Variants in FANCA observed in about 807,000 individuals in gnomAD.
FANCA encodes the protein Fanconi anemia group A protein.
Under a neutral mutation model 194.3 loss-of-function variants are expected in FANCA, and 236 were observed. The observed-to-expected ratio is 1.21, with a 90% CI of 1.09 to 1.35. The LOEUF (loss-of-function observed/expected upper bound fraction) is 1.35, where lower values mean the gene tolerates loss of function less well. FANCA is among the 40% of genes most tolerant of loss of function. The probability of loss-of-function intolerance (pLI) is 0.00; values close to 1 mark genes in which losing one functional copy is unlikely to be tolerated. For missense variants in FANCA, 2,628 were observed against 1,813.9 expected, an observed-to-expected ratio of 1.45 and a Z score of -8.15; for synonymous variants, 1,014 against 715.8, an observed-to-expected ratio of 1.42 and a Z score of -6.65.
intron 10 of FANCA, 144 bp from the exon 11 acceptor site, chr16:89,796,162 C>A: frequency 1.4e-6 from 1 of 707,242 alleles, no homozygotes. Context: ...TAACCACAGA[C>A]TTGAAACTGA....
At chr16:89,796,459 C>G (rs943948293) in intron 10 of FANCA, among the ~76,000 whole-genome samples, 2 of 152,176 alleles carry the variant, frequency 1.3e-5, no homozygotes, top group Admixed American at 6.5e-5. Flanking sequence ...GGGCCTCAAA[C>G]AGTCACAACA....
chr16:89,772,998 C>T (rs1485119453), intron 22 of FANCA, among the ~76,000 whole-genome samples: 1 of 152,076 alleles, frequency 6.6e-6, no homozygotes, highest in Non-Finnish European at 1.5e-5. Context: ...CCTAGTCACG[C>T]GTTTTCTTCT....
chr16:89,787,909 C>T (rs2143499344), intron 14 of FANCA, among the ~76,000 whole-genome samples: 1 of 151,738 alleles, frequency 6.6e-6, no homozygotes, highest in South Asian at 2.1e-4. Context: ...GGTCTTGCTC[C>T]ATTGCCCAGG....
chr16:89,816,475 A>AAC (rs1194223892), intron 1 of FANCA, 62 bp downstream of exon 1: 1 of 1,382,698 alleles, frequency 7.2e-7, no homozygotes, highest in South Asian at 1.4e-5. Context: ...GGGATCGGGG[A>AAC]ACCGGCGAAA....
At chr16:89,807,049 A>G (rs956695609) in intron 6 of FANCA, among the ~76,000 whole-genome samples, 1 of 152,078 alleles carries the variant, frequency 6.6e-6, no homozygotes, top group African/African-American at 2.4e-5. Context: ...TGTTCTACCC[A>G]TTACTGAAAG....
chr16:89,781,268 G>T (rs1201463561), intron 17 of FANCA, among the ~76,000 whole-genome samples: 1 of 150,148 alleles, frequency 6.7e-6, no homozygotes, highest in South Asian at 2.1e-4. Flanking sequence ...GGAGGCTGAG[G>T]CAGGAGAATG....
chr16:89,785,130 A>G (rs903753085), intron 14 of FANCA, among the ~76,000 whole-genome samples, 166 bp from the exon 15 acceptor site: 1 of 152,186 alleles, frequency 6.6e-6, no homozygotes, highest in African/African-American at 2.4e-5. Flanking sequence ...CCACCTAGGC[A>G]GTGTCCGGGC....
In FANCA at chr16:89,765,339, G is replaced by A. The variant is rs17226792; in HGVS notation, c.2602-273C>T. ...CACAACACACAACCCCACGTTCAGG[G>A]GACCTCAGTCCAGCCCCTGGGAGGG... is the stretch of plus-strand genomic sequence containing the variant. On this transcript the variant is annotated intron_variant, in intron 27 of 42. Coordinates refer to ENST00000389301, the MANE Select transcript of FANCA (RefSeq NM_000135.4). 4.2e-3 allele frequency among the ~76,000 whole-genome samples: 625 copies of A among 150,424 alleles called. 2 individuals carry two copies. Among genetic ancestry groups the A allele is most frequent in the African/African-American group, 0.015 (598 of 40,960 alleles).
At chr16:89,796,339 C>T (rs1165681582) in intron 10 of FANCA, among the ~76,000 whole-genome samples, 2 of 152,230 alleles carry the variant, frequency 1.3e-5, no homozygotes, top group East Asian at 1.9e-4. Flanking sequence ...GCGCCGCACC[C>T]GGGAGTGGAG....
chr16:89,791,005 TTGTG>T lies in FANCA; in HGVS notation c.1359+394_1359+397del, dbSNP rs1287893743. 1.5e-3 allele frequency: 341 copies of T among 230,658 alleles called. 1 individual carries two copies. The highest frequency in any genetic ancestry group is 0.011 in the South Asian group (203 of 19,132). 14.3% of individuals were successfully genotyped at this position (230,658 alleles called of 1,614,324 possible). A position where few individuals can be genotyped will look rare whatever the true frequency, so the allele number is the denominator to read the frequency against. ...CCACCACACCTGCGTAGTTTTTGTT[TTGTG>T]TGTGTGTGTGTGTGTTTTTTTTTTT... On this transcript the variant is annotated intron_variant, in intron 14 of 42. Transcript: ENST00000389301.
chr16:89,785,877 CAG>C (rs1171134218), intron 14 of FANCA, among the ~76,000 whole-genome samples: 2 of 83,316 alleles, frequency 2.4e-5, no homozygotes, highest in African/African-American at 1.4e-4. Context: ...TTTTTGGAGA[CAG>C]AGTCTTGCTC....
At chr16:89,806,347 CTTTTTT>C (rs34862478) in intron 6 of FANCA, among the ~76,000 whole-genome samples, 2 of 110,452 alleles carry the variant, frequency 1.8e-5, no homozygotes, top group Non-Finnish European at 1.7e-5. Context: ...CTATATCATT[CTTTTTT>C]TTTTTTTTTT....
At position 89,773,297 on chromosome 16, in the gene FANCA, G is replaced by A. The variant is rs1372999240; in HGVS notation, c.1988C>T (p.Ser663Phe). The A allele has an allele frequency of 3.2e-6, 5 of 1,551,374 alleles. No homozygotes were observed. The South Asian group carries it at 5.9e-5, about 18-fold the overall frequency. ...ATCACGCTGGCTGGGGTCTGTCATG[G>A]AGGCTCTCAGCTCTCCCAGTGCAGC... ...LTAALGELRA[S>F]MTDPSQRDVI... Residue 663 changes from serine (S) to phenylalanine (F), a missense_variant, in exon 22 of 43, where the codon TCC (serine) becomes TTC (phenylalanine). Coordinates refer to ENST00000389301, the MANE Select transcript of FANCA (RefSeq NM_000135.4).
rs773856680 is a variant in FANCA, at chr16:89,782,895, G to C, written c.1590C>G (p.Leu530=). 1.2e-6 allele frequency: 2 copies of C among 1,614,088 alleles called. No homozygotes were observed. The highest frequency in any genetic ancestry group is 1.7e-6 in the Non-Finnish European group (2 of 1,179,962). Residue 530 remains leucine, a synonymous_variant, in exon 17 of 43, where the codon CTC becomes CTG. Transcript: ENST00000389301. Reference sequence around the variant, plus strand: ...CCCCAGCTGATGACAAATCCTCGTAGAGTCCCATGTTTTCTATAGAAACCT... The same window carrying C: ...CCCCAGCTGATGACAAATCCTCGTACAGTCCCATGTTTTCTATAGAAACCT... ...DLKVSIENMG[L]YEDLSSAGDI...
Position 89,808,334 on chromosome 16 carries a change from G to A in FANCA, c.556C>T (p.His186Tyr). 6.2e-7 allele frequency: 1 copy of A among 1,614,098 alleles called. No individual in the cohort carries two copies. The highest frequency in any genetic ancestry group is 8.5e-7 in the Non-Finnish European group (1 of 1,180,024). ...SLLLEAVWHL[H>Y]VQGIVSLQEL... is the part of the protein sequence containing the mutation. ...TGCAGGCTCACAATGCCTTGTACGT[G>A]AAGATGCCACACCGCTTCAAGCAAC... The change falls in exon 6 of 43, where the codon CAC (histidine) becomes TAC (tyrosine). Residue 186 changes from histidine (H) to tyrosine (Y), a missense_variant. His to Tyr is a moderately conservative substitution (Grantham distance 83, BLOSUM62 2). Transcript: ENST00000389301.
chr16:89,799,675 C>G (rs1323257838), intron 8 of FANCA, 37 bp from the exon 9 acceptor site: 17 of 1,558,914 alleles, frequency 1.1e-5, no homozygotes, highest in Non-Finnish European at 1.4e-5. Flanking sequence ...TCTTGGTAAT[C>G]TTCTGTAATT....
In FANCA at chr16:89,795,974, G is replaced by C. The variant is rs1280009244; in HGVS notation, c.938C>G (p.Thr313Arg). 1 of 1,614,180 alleles carries C rather than the reference G, an allele frequency of 6.2e-7. No individual in the cohort carries two copies. Among genetic ancestry groups the C allele is most frequent in the Admixed American group, 1.7e-5 (1 of 60,022 alleles). Reference protein sequence around the residue: ...SGHTLGSVISTDPLKRFFSHT... With the variant: ...SGHTLGSVISRDPLKRFFSHT... ...ACTGAAGAACCTCTTCAGAGGATCT[G>C]TGGAAATTACACTGCCAAGCGTGTG... The change falls in exon 11 of 43, where the codon ACA (threonine) becomes AGA (arginine). Residue 313 changes from threonine (T) to arginine (R), a missense_variant. Thr to Arg is a moderately conservative substitution (Grantham distance 71). Transcript: ENST00000389301.
intron 30 of FANCA, 125 bp from the exon 31 acceptor site, chr16:89,752,347 GTCA>G (rs1292853225): frequency 2.4e-6 from 2 of 826,708 alleles, no homozygotes; most frequent in African/African-American, 3.3e-5. Context: ...CCTCACATTA[GTCA>G]ACAATAAACA....
rs555012101 is a variant in FANCA at position 89,765,043 on chromosome 16, C to G, written c.2625G>C (p.Leu875Phe). The G allele has an allele frequency of 6.2e-7, 1 of 1,614,240 alleles. No homozygotes were observed. The highest frequency in any genetic ancestry group is 1.7e-5 in the Admixed American group (1 of 60,026). The part of the protein sequence containing the change: ...IKKFQFLMFR[L>F]FSEARQPLSE... ...AAAGAGGCTGTCGGGCCTCTGAGAA[C>G]AATCTGAACATGAGGAACTGAAACT... The change falls in exon 28 of 43, where the codon TTG becomes TTC. Residue 875 changes from leucine (L) to phenylalanine (F), a missense_variant. Coordinates refer to ENST00000389301, the MANE Select transcript of FANCA (RefSeq NM_000135.4).
Sources: allele counts gnomAD v4.1 joint callset (sites outside exome capture counted in the v4.1 genomes callset), GRCh38; gene constraint gnomAD v4.1.1; transcripts MANE v1.5; gene names NCBI Gene and HGNC (gene_info 2026-07-23, HGNC 2026-07-21).